The following GREB1L variants were observed in gnomAD, a reference collection of about 807,000 sequenced individuals.
The protein encoded by GREB1L is GREB1-like protein.
Under a neutral mutation model 200.8 loss-of-function variants are expected in GREB1L, and 17 were observed. That is an observed-to-expected ratio of 0.08 (90% CI 0.06 to 0.13). GREB1L has a LOEUF of 0.13. GREB1L is among the 10% of genes least tolerant of loss of function. The pLI is 1.00. For synonymous variants in GREB1L, 789 were observed against 893.0 expected (o/e 0.88, Z 2.08); for missense variants, 1,657 against 2,367.7 (o/e 0.70, Z 6.23).
In GREB1L at chr18:21,525,746, G is replaced by A. The variant is rs2037675553; in HGVS notation, c.*2925G>A. 6.6e-6 allele frequency among the ~76,000 whole-genome samples: 1 copy of A among 152,184 alleles called. No homozygotes were observed. On this transcript the variant is annotated 3_prime_UTR_variant, in exon 33 of 33. Transcript: ENST00000424526. ...TGCTAGAACTATGTAGTATGAAGAT[G>A]CTGTTATTGTAGTATGAATTATATC...
chr18:21,493,218 C>G (rs1262703521), intron 19 of GREB1L, among the ~76,000 whole-genome samples: 3 of 152,156 alleles, frequency 2.0e-5, no homozygotes. Context: ...ATTATGTGAT[C>G]TTATTTTTGT....
Position 21,523,753 on chromosome 18 carries a change from A to G in GREB1L, c.*932A>G, listed in dbSNP as rs2037641284. 1 of 152,236 alleles carries G rather than the reference A, an allele frequency of 6.6e-6. No individual in the cohort carries two copies. Among genetic ancestry groups the G allele is most frequent in the Admixed American group, 6.5e-5 (1 of 15,280 alleles). The allele number at this position is 152,236 out of a possible 1,614,324, so 9.4% of individuals were successfully genotyped here. ...CTAGTTTGTTTCCTTTCAGGGACTC[A>G]AGCAAAGCTTCCTTTAAAAGATGCA... On this transcript the variant is annotated 3_prime_UTR_variant, in exon 33 of 33. Transcript: ENST00000424526.
chr18:21,269,711 T>C (rs73422028), intron 1 of GREB1L, among the ~76,000 whole-genome samples: 244 of 152,328 alleles, frequency 1.6e-3, no homozygotes, highest in African/African-American at 5.5e-3. Context: ...AATTTTTAAC[T>C]CACTTAAAAG....
At chr18:21,329,959 G>GTT (rs1555628417) in intron 1 of GREB1L, among the ~76,000 whole-genome samples, 3 of 109,306 alleles carry the variant, frequency 2.7e-5, no homozygotes, top group Admixed American at 9.5e-5. Context: ...ACCCACAATG[G>GTT]TTTTTTTTTT....
chr18:21,299,467 T>C (rs896340015), intron 1 of GREB1L, among the ~76,000 whole-genome samples: 3 of 151,952 alleles, frequency 2.0e-5, no homozygotes, highest in Admixed American at 2.0e-4. Context: ...TCCTCACCTT[T>C]TTATATGGTA....
At position 21,500,619 on chromosome 18, in the gene GREB1L, A is replaced by T; in HGVS notation, c.4049A>T (p.Tyr1350Phe). ...MLIRLLEVDV[Y>F]DEEEINTDHN... ...ATCAGGCTCCTGGAGGTGGACGTGTATGATGAGGAGGAGATCAACACCGGT... is the reference window on the plus strand; with the variant it reads ...ATCAGGCTCCTGGAGGTGGACGTGTTTGATGAGGAGGAGATCAACACCGGT... The change falls in exon 23 of 33, where the codon TAT (tyrosine) becomes TTT (phenylalanine). Residue 1350 changes from tyrosine to phenylalanine, a missense_variant. By Grantham distance (22) the Tyr-to-Phe change is conservative (BLOSUM62 3). Transcript: ENST00000424526. 7 of 1,549,866 alleles carry T rather than the reference A, an allele frequency of 4.5e-6. No homozygotes were observed. The highest frequency in any genetic ancestry group is 6.1e-6 in the Non-Finnish European group (7 of 1,146,300).
chr18:21,340,875 A>G (rs1309061526), intron 1 of GREB1L, among the ~76,000 whole-genome samples: 2 of 152,198 alleles, frequency 1.3e-5, no homozygotes, highest in Non-Finnish European at 2.9e-5. Flanking sequence ...TACATGAAAG[A>G]ATTCTATAAA....
At chr18:21,265,204 A>T (rs1435719590) in intron 1 of GREB1L, among the ~76,000 whole-genome samples, 1 of 152,242 alleles carries the variant, frequency 6.6e-6, no homozygotes, top group Admixed American at 6.5e-5. Flanking sequence ...TGTTAGATTC[A>T]TAACACATTA....
chr18:21,515,679 C>T (rs2037391408), intron 29 of GREB1L, 35 bp downstream of exon 29: 9 of 1,432,326 alleles, frequency 6.3e-6, no homozygotes, highest in Non-Finnish European at 5.8e-6. Context: ...GTAATCCTGG[C>T]ATCTACTGAT....
At chr18:21,336,803 TAC>T (rs1461581180) in intron 1 of GREB1L, among the ~76,000 whole-genome samples, 24 of 152,336 alleles carry the variant, frequency 1.6e-4, no homozygotes, top group Admixed American at 6.5e-4. Context: ...ACCACCAGCA[TAC>T]TGCTAGTGGT....
In GREB1L at chr18:21,302,974, G is replaced by A. The variant is rs192182781; in HGVS notation, c.-120+60581G>A. 4.6e-5 allele frequency among the ~76,000 whole-genome samples: 7 copies of A among 152,044 alleles called. No individual in the cohort carries two copies. In the East Asian group the frequency reaches 7.7e-4, roughly 17 times the overall value. On this transcript the variant is annotated intron_variant, in intron 1 of 32. Coordinates refer to ENST00000424526, the MANE Select transcript of GREB1L (RefSeq NM_001142966.3). ...CTGACCTCGTGATCCACCCGCCTCC[G>A]CCCCTGAAAGTGCTGGGATTACAGG... is the stretch of plus-strand genomic sequence containing the variant.
At chr18:21,493,521 C>T (rs553084249) in intron 19 of GREB1L, among the ~76,000 whole-genome samples, 1 of 152,106 alleles carries the variant, frequency 6.6e-6, no homozygotes, top group Non-Finnish European at 1.5e-5. Flanking sequence ...GTTTGGCTAG[C>T]TGTGGTTGGT....
chr18:21,299,893 C>T (rs2038590901), intron 1 of GREB1L, among the ~76,000 whole-genome samples: 1 of 151,946 alleles, frequency 6.6e-6, no homozygotes, highest in Non-Finnish European at 1.5e-5. Flanking sequence ...TGATATTAGA[C>T]ATTATGATAA....
chr18:21,412,506 G>A (rs1240676264), intron 7 of GREB1L, among the ~76,000 whole-genome samples: 6 of 152,156 alleles, frequency 3.9e-5, no homozygotes, highest in Admixed American at 2.6e-4. Context: ...AAGGAATCTT[G>A]CAAAGATGAT....
chr18:21,415,793 G>A (rs75724573), intron 7 of GREB1L, among the ~76,000 whole-genome samples: 3,973 of 152,270 alleles, frequency 0.026, 179 homozygotes, highest in African/African-American at 0.088. Context: ...ACTGAGCACT[G>A]CTCCAGTACT....
intron 17 of GREB1L, among the ~76,000 whole-genome samples, chr18:21,483,884 G>T (rs1417150149): frequency 4.6e-5 from 7 of 150,970 alleles, no homozygotes; most frequent in Non-Finnish European, 1.0e-4. Context: ...GCTGAGGCAG[G>T]AGAATGGCTT....
intron 1 of GREB1L, among the ~76,000 whole-genome samples, chr18:21,325,230 G>A (rs1598659495): frequency 6.6e-6 from 1 of 152,178 alleles, no homozygotes; most frequent in Non-Finnish European, 1.5e-5. Flanking sequence ...TGAAGAGAGC[G>A]TTTTTGTGGA....
intron 1 of GREB1L, among the ~76,000 whole-genome samples, chr18:21,361,774 G>A (rs1257469571): frequency 6.6e-6 from 1 of 151,980 alleles, no homozygotes; most frequent in Non-Finnish European, 1.5e-5. Flanking sequence ...ACTTTCCACA[G>A]GGATGTACTT....
intron 2 of GREB1L, among the ~76,000 whole-genome samples, chr18:21,380,829 A>G (rs1364430629): frequency 6.6e-6 from 1 of 152,178 alleles, no homozygotes; most frequent in African/African-American, 2.4e-5. Flanking sequence ...GGCCAGGCGC[A>G]ATGGCTCACA....
Sources: allele counts gnomAD v4.1 joint callset (sites outside exome capture counted in the v4.1 genomes callset), GRCh38; gene constraint gnomAD v4.1.1; transcripts MANE v1.5; gene names NCBI Gene and HGNC (gene_info 2026-07-23, HGNC 2026-07-21).